Variants in WDR48 observed in about 807,000 individuals in gnomAD.
WDR48 encodes the protein WD repeat-containing protein 48.
WDR48 carries 22 observed loss-of-function variants against 94.0 expected under a neutral mutation model. That is an observed-to-expected ratio of 0.23 (90% CI 0.17 to 0.33). WDR48 has a LOEUF of 0.33. Among genes scored for constraint, WDR48 ranks in the 10% least tolerant of loss-of-function variants. WDR48 has a pLI of 1.00. For synonymous variants in WDR48, 278 were observed against 280.5 expected, an observed-to-expected ratio of 0.99 and a Z score of 0.09; for missense variants, 541 against 813.8, an observed-to-expected ratio of 0.66 and a Z score of 4.08.
intron 3 of WDR48, among the ~76,000 whole-genome samples, chr3:39,066,136 A>G (rs1387074730): frequency 6.6e-6 from 1 of 152,142 alleles, no homozygotes; most frequent in Non-Finnish European, 1.5e-5. Flanking sequence ...TCTGAACACC[A>G]AAGGGTAGTT....
At chr3:39,088,054 G>A (rs567226163) in intron 14 of WDR48, 74 bp from the exon 15 acceptor site, 1 of 1,374,992 alleles carries the variant, frequency 7.3e-7, no homozygotes, top group African/African-American at 1.4e-5. Flanking sequence ...TTTGAAGCTT[G>A]TGGGAGTAAA....
chr3:39,096,147 A>G lies in WDR48; in HGVS notation c.*1404A>G, dbSNP rs1388952342. On this transcript the variant is annotated 3_prime_UTR_variant, in exon 19 of 19. Transcript: ENST00000302313. ...ACTATTTAAGATACTCTGATCGCAC[A>G]ACTGCAGAGACAGGGTTCCCTCACT... 1 of 152,634 alleles carries G rather than the reference A, an allele frequency of 6.6e-6. No individual in the cohort carries two copies. The highest frequency in any genetic ancestry group is 6.5e-5 in the Admixed American group (1 of 15,292). 9.5% of individuals were successfully genotyped at this position (152,634 alleles called of 1,614,324 possible).
intron 2 of WDR48, among the ~76,000 whole-genome samples, chr3:39,063,849 G>T (rs1337357652): frequency 6.6e-6 from 1 of 152,200 alleles, no homozygotes; most frequent in Non-Finnish European, 1.5e-5. Context: ...TCGGGGAGCT[G>T]AGGTGGGAGG....
intron 1 of WDR48, among the ~76,000 whole-genome samples, chr3:39,057,072 A>G (rs2032937456): frequency 6.6e-6 from 1 of 152,218 alleles, no homozygotes; most frequent in African/African-American, 2.4e-5. Flanking sequence ...TTAAAACTCT[A>G]GGGAAAACAA....
rs1169651743 is a variant in WDR48, at chr3:39,088,066, T to G, written c.1475-62T>G. On this transcript the variant is annotated intron_variant, in intron 14 of 18. Transcript: ENST00000302313. Reference sequence around the variant, plus strand: ...ATGTTTGAAGCTTGTGGGAGTAAAATGTTTAGAATCTGTATTTTTAGCACT... The same window carrying G: ...ATGTTTGAAGCTTGTGGGAGTAAAAGGTTTAGAATCTGTATTTTTAGCACT... 3 of 1,492,168 alleles carry G rather than the reference T, an allele frequency of 2.0e-6. No individual in the cohort carries two copies. In the Admixed American group the frequency reaches 5.2e-5, roughly 26 times the overall value. The allele number at this position is 1,492,168 out of a possible 1,614,324, so 92.4% of individuals were successfully genotyped here. A position where few individuals can be genotyped will look rare whatever the true frequency, so the allele number is the denominator to read the frequency against.
chr3:39,090,190 CATT>C (rs1426873796), intron 16 of WDR48: 2 of 152,156 alleles, frequency 1.3e-5, no homozygotes, highest in Non-Finnish European at 2.9e-5. Flanking sequence ...AATAGTATCT[CATT>C]ATTTTTATGT....
At chr3:39,078,087 C>A in intron 9 of WDR48, 50 bp from the exon 10 acceptor site, 1 of 1,402,790 alleles carries the variant, frequency 7.1e-7, no homozygotes, top group Non-Finnish European at 9.9e-7. Context: ...AACAGGCTGG[C>A]AAAGCTTGTA....
Position 39,074,750 on chromosome 3 carries a change from A to G in WDR48, c.697A>G (p.Thr233Ala), listed in dbSNP as rs1352625166. Residue 233 changes from threonine (T) to alanine (A), a missense_variant, in exon 8 of 19, where the codon ACA becomes GCA. Physicochemically the swap from Thr to Ala is moderately conservative, Grantham distance 58. Coordinates refer to ENST00000302313, the MANE Select transcript of WDR48 (RefSeq NM_020839.4). ...GTGCCTGTCAGGCAGTTCTGATGGG[A>G]CAATTCGCCTTTGGTCCCTTGGCCA... ...TQCLSGSSDGTIRLWSLGQQR... is the reference protein window; with the variant it reads ...TQCLSGSSDGAIRLWSLGQQR... 1 of 1,614,208 alleles carries G rather than the reference A, an allele frequency of 6.2e-7. No homozygotes were observed.
In WDR48 at chr3:39,058,013, T is replaced by C. The variant is rs149004310; in HGVS notation, c.49-5037T>C. Among the ~76,000 whole-genome samples, 8 of 152,392 alleles carry C rather than the reference T, an allele frequency of 5.2e-5. No homozygotes were observed. In the East Asian group the frequency reaches 1.5e-3, roughly 29 times the overall value. On this transcript the variant is annotated intron_variant, in intron 1 of 18. Transcript: ENST00000302313. ...AACATTTTTATAATAATGACTATTG[T>C]ACATTGTTGTGTTGGACCACACATA...
chr3:39,094,693 T>C lies in WDR48; in HGVS notation c.1984T>C (p.Trp662Arg). The change falls in exon 19 of 19, where the codon TGG (tryptophan) becomes CGG (arginine). Residue 662 changes from tryptophan to arginine, a missense_variant. By Grantham distance (101) the Trp-to-Arg change is moderately radical. Coordinates refer to ENST00000302313, the MANE Select transcript of WDR48 (RefSeq NM_020839.4). ...MDLRTVKHFI[W>R]KSGGDLTLHY... ...CCTTCGAACAGTGAAACACTTCATATGGAAGAGCGGTGGAGACCTCACCCT... is the reference window on the plus strand; with the variant it reads ...CCTTCGAACAGTGAAACACTTCATACGGAAGAGCGGTGGAGACCTCACCCT... 6.2e-7 allele frequency: 1 copy of C among 1,614,228 alleles called. No homozygotes were observed. The highest frequency in any genetic ancestry group is 8.5e-7 in the Non-Finnish European group (1 of 1,180,038).
At chr3:39,077,331 G>A in intron 9 of WDR48, 118 bp downstream of exon 9, 5 of 994,032 alleles carry the variant, frequency 5.0e-6, no homozygotes, top group East Asian at 5.1e-5. Context: ...TTTGGGCAGG[G>A]GCAAAAACCT....
chr3:39,078,105 A>C (rs772317189), intron 9 of WDR48, 32 bp from the exon 10 acceptor site: 2 of 1,524,602 alleles, frequency 1.3e-6, no homozygotes, highest in East Asian at 4.5e-5. Flanking sequence ...GTAGAGCATA[A>C]CATGATCAAA....
intron 8 of WDR48, among the ~76,000 whole-genome samples, chr3:39,076,487 A>C (rs1179660921): frequency 1.3e-5 from 2 of 152,222 alleles, no homozygotes; most frequent in African/African-American, 4.8e-5. Flanking sequence ...ATATGTTATA[A>C]GGAATATCAT....
rs868299008 is a variant in WDR48, at chr3:39,055,926, A to C, written c.48+3853A>C. 2.0e-5 allele frequency among the ~76,000 whole-genome samples: 3 copies of C among 152,246 alleles called. No homozygotes were observed. In the South Asian group the frequency reaches 6.2e-4, roughly 32 times the overall value. On this transcript the variant is annotated intron_variant, in intron 1 of 18. Transcript: ENST00000302313. ...AAATGCCAAGAGGACTTTTGTGCTC[A>C]CTACCGTATCCTCAGCATTTAGAAT...
At chr3:39,094,407 C>T (rs1020224607) in intron 18 of WDR48, 9 of 1,508,566 alleles carry the variant, frequency 6.0e-6, no homozygotes, top group South Asian at 2.5e-5. Flanking sequence ...GCACTCAAAA[C>T]GTATCCTCAG....
chr3:39,079,927 G>A (rs1320858064), intron 11 of WDR48, 119 bp downstream of exon 11: 1 of 517,846 alleles, frequency 1.9e-6, no homozygotes, highest in Non-Finnish European at 3.3e-6. Flanking sequence ...TACTTTATGG[G>A]GTGGTATATA....
intron 1 of WDR48, among the ~76,000 whole-genome samples, chr3:39,054,187 CAT>C (rs2032695822): frequency 6.6e-6 from 1 of 152,044 alleles, no homozygotes; most frequent in South Asian, 2.1e-4. Flanking sequence ...CAAACAAAAA[CAT>C]AAATTAGAGT....
chr3:39,088,039 C>G, intron 14 of WDR48, 89 bp from the exon 15 acceptor site: 1 of 1,207,232 alleles, frequency 8.3e-7, no homozygotes, highest in African/African-American at 1.5e-5. Context: ...TTTAATCTTG[C>G]AATGTTTGAA....
intron 17 of WDR48, 24 bp downstream of exon 17, chr3:39,091,725 A>G (rs748070975): frequency 6.4e-7 from 1 of 1,560,946 alleles, no homozygotes; most frequent in Non-Finnish European, 8.7e-7. Flanking sequence ...TGGTTTCTTG[A>G]TCTAATTAAC....
Sources: allele counts gnomAD v4.1 joint callset (sites outside exome capture counted in the v4.1 genomes callset), GRCh38; gene constraint gnomAD v4.1.1; transcripts MANE v1.5; gene names NCBI Gene and HGNC (gene_info 2026-07-23, HGNC 2026-07-21).